Variants in ABR observed in about 807,000 individuals in gnomAD.
ABR encodes active breakpoint cluster region-related protein.
A neutral mutation model predicts 107.2 loss-of-function variants in ABR; 35 were observed. That is an observed-to-expected ratio of 0.33 (90% confidence interval 0.25 to 0.43). The LOEUF is 0.43. ABR is among the 20% of genes least tolerant of loss of function. The pLI, the probability that ABR is intolerant of heterozygous loss-of-function variation, is 1.00. For missense variants in ABR, 815 were observed against 1,115.2 expected (o/e 0.73, Z 3.83); for synonymous variants, 498 against 462.0 (o/e 1.08, Z -1.00).
chr17:1,153,548 C>CG (rs1318410509), intron 1 of ABR, among the ~76,000 whole-genome samples: 1 of 107,202 alleles, frequency 9.3e-6, no homozygotes, highest in African/African-American at 3.5e-5. Flanking sequence ...GGCACACCTG[C>CG]GGGAGGGCTG....
intron 10 of ABR, among the ~76,000 whole-genome samples, chr17:1,064,689 A>C (rs60167273): frequency 8.6e-5 from 5 of 58,182 alleles, no homozygotes; most frequent in Non-Finnish European, 1.9e-4. Context: ...ACTGAGGGCT[A>C]TACATGTTCC....
At chr17:1,225,916 T>C (rs555523703) in intron 1 of ABR, among the ~76,000 whole-genome samples, 9 of 152,258 alleles carry the variant, frequency 5.9e-5, no homozygotes, top group Non-Finnish European at 1.0e-4. Flanking sequence ...ATGGTTTAAT[T>C]CCGTGTTTTC....
intron 16 of ABR, among the ~76,000 whole-genome samples, chr17:1,041,347 C>T (rs2030440802): frequency 6.6e-6 from 1 of 152,248 alleles, no homozygotes; most frequent in Admixed American, 6.5e-5. Context: ...AGCGTGGACG[C>T]ACACGTCACA....
intron 1 of ABR, among the ~76,000 whole-genome samples, chr17:1,215,728 A>C (rs1341568680): frequency 4.6e-5 from 7 of 151,816 alleles, no homozygotes; most frequent in Non-Finnish European, 1.0e-4. Context: ...GTTTTGTCGA[A>C]TAGAAAAGGG....
chr17:1,215,293 A>AGCG (rs2042978065), intron 1 of ABR, among the ~76,000 whole-genome samples: 1 of 151,294 alleles, frequency 6.6e-6, no homozygotes, highest in Non-Finnish European at 1.5e-5. Flanking sequence ...TGCCGAGCCG[A>AGCG]AGCTGGACTG....
intron 1 of ABR, among the ~76,000 whole-genome samples, chr17:1,203,792 G>C (rs1244235974): frequency 1.3e-5 from 2 of 152,092 alleles, no homozygotes; most frequent in South Asian, 4.1e-4. Flanking sequence ...AAGGGGGCTC[G>C]GGCGCTCTCT....
chr17:1,209,953 C>G (rs1293688476), intron 1 of ABR, among the ~76,000 whole-genome samples: 1 of 152,220 alleles, frequency 6.6e-6, no homozygotes, highest in African/African-American at 2.4e-5. Context: ...AAGCTGCCAT[C>G]TTAACTCCAC....
At position 1,015,255 on chromosome 17, in the gene ABR, AAAAAT is replaced by A. The variant is rs369203387; in HGVS notation, c.1792-2096_1792-2092del. Among the ~76,000 whole-genome samples the A allele has an allele frequency of 5.5e-4, 83 of 151,828 alleles. No homozygotes were observed. The East Asian group carries it at 0.013, about 23-fold the overall frequency. On this transcript the variant is annotated intron_variant, in intron 16 of 22. Transcript: ENST00000302538. ...AACATGACAAAACCCTGTCTCTACT[AAAAAT>A]ACAAAAGTGAGCCGGGTGTGGTGGC...
At position 1,037,109 on chromosome 17, in the gene ABR, AC is replaced by A. The variant is rs1391987720; in HGVS notation, c.1791+12940del. On this transcript the variant is annotated intron_variant, in intron 16 of 22. Transcript: ENST00000302538. The surrounding 1 kb of genome is among the most constrained non-coding windows in gnomAD (Gnocchi z 4.6). The stretch of plus-strand genomic sequence containing the variant: ...CTTCCATCCATCCATCCATCCATCC[AC>A]CCACCCACCCATCCATCCAGGTGGG... Among the ~76,000 whole-genome samples the A allele has an allele frequency of 6.1e-5, 9 of 148,070 alleles. No homozygotes were observed. Among genetic ancestry groups the A allele is most frequent in the African/African-American group, 2.3e-4 (9 of 39,600 alleles).
chr17:1,019,751 C>T (rs1002753506), intron 16 of ABR, among the ~76,000 whole-genome samples: 5 of 152,240 alleles, frequency 3.3e-5, no homozygotes, highest in African/African-American at 7.2e-5. Context: ...AGATTAGCAC[C>T]GGGGTGGAGG....
intron 13 of ABR, 46 bp from the exon 14 acceptor site, chr17:1,056,155 C>A: frequency 6.4e-7 from 1 of 1,551,868 alleles, no homozygotes; most frequent in East Asian, 2.3e-5. Flanking sequence ...TCAGCGGATC[C>A]CCTCAGCCTC....
Position 1,136,208 on chromosome 17 carries a change from G to A in ABR, c.62-10841C>T, listed in dbSNP as rs563183631. On this transcript the variant is annotated intron_variant, in intron 1 of 22. Coordinates refer to ENST00000302538, the MANE Select transcript of ABR (RefSeq NM_021962.5). The stretch of plus-strand genomic sequence containing the variant: ...TTTGTCTACATTGAAAATCTGATCT[G>A]TTTTGTTTTTGTTTTGTTTGGTTTT... Among the ~76,000 whole-genome samples, 3 of 152,168 alleles carry A rather than the reference G, an allele frequency of 2.0e-5. No individual in the cohort carries two copies. In the South Asian group the frequency reaches 6.2e-4, roughly 32 times the overall value.
intron 10 of ABR, among the ~76,000 whole-genome samples, chr17:1,065,821 A>G (rs916644446): frequency 8.0e-5 from 12 of 149,794 alleles, no homozygotes; most frequent in African/African-American, 2.7e-4. Context: ...TCTCAGCTCA[A>G]TGCAACCTCT....
At chr17:1,012,890 A>G (rs1386568024) in intron 17 of ABR, 93 bp from the exon 18 acceptor site, 18 of 1,163,040 alleles carry the variant, frequency 1.5e-5, no homozygotes, top group South Asian at 7.9e-5. Flanking sequence ...CAAGACTGCA[A>G]ATGAGGGCTA....
chr17:1,109,111 C>T (rs1413839185), intron 2 of ABR: 2 of 1,567,456 alleles, frequency 1.3e-6, no homozygotes, highest in Non-Finnish European at 1.7e-6. Context: ...GCGGGGTCCA[C>T]GCAGCGGCGG....
At position 1,070,721 on chromosome 17, in the gene ABR, G is replaced by A. The variant is rs558374327; in HGVS notation, c.895-631C>T. 6.6e-6 allele frequency among the ~76,000 whole-genome samples: 1 copy of A among 152,268 alleles called. No individual in the cohort carries two copies. The highest frequency in any genetic ancestry group is 1.9e-4 in the East Asian group (1 of 5,162). On this transcript the variant is annotated intron_variant, in intron 8 of 22. Transcript: ENST00000302538. The surrounding 1 kb of genome is among the most constrained non-coding windows in gnomAD (Gnocchi z 4.2). ...CCAACTCTAACCTGGGCTCTGGGTG[G>A]TTTCTGCTCCACGTGGGAGTTCCAG...
intron 1 of ABR, among the ~76,000 whole-genome samples, chr17:1,185,969 A>G (rs931927940): frequency 3.9e-4 from 59 of 151,848 alleles, no homozygotes; most frequent in African/African-American, 1.2e-3. Context: ...CCGAGTAGCT[A>G]GGATTACAGG....
chr17:1,177,591 G>A (rs1450808692), intron 1 of ABR, among the ~76,000 whole-genome samples: 1 of 152,154 alleles, frequency 6.6e-6, no homozygotes, highest in African/African-American at 2.4e-5. Context: ...GGAAGAGGGT[G>A]GGGTATGGAA....
chr17:1,104,699 C>T (rs973422635), intron 2 of ABR, among the ~76,000 whole-genome samples: 2 of 152,216 alleles, frequency 1.3e-5, no homozygotes, highest in African/African-American at 4.8e-5. Context: ...ATCGAGAGAC[C>T]CTCTCCTCTC....
Sources: allele counts gnomAD v4.1 joint callset (sites outside exome capture counted in the v4.1 genomes callset), GRCh38; gene constraint gnomAD v4.1.1; non-coding constraint Gnocchi (gnomAD v3.1); transcripts MANE v1.5; gene names NCBI Gene and HGNC (gene_info 2026-07-23, HGNC 2026-07-21).